INTU: variants seen among roughly 807,000 people sequenced by gnomAD.
INTU encodes protein inturned.
INTU carries 68 observed loss-of-function variants against 100.5 expected under a neutral mutation model. That is an observed-to-expected ratio of 0.68 (90% CI 0.56 to 0.83). INTU has a LOEUF of 0.83. Ranked by LOEUF, INTU falls within the 40% of genes least tolerant of loss-of-function variation. The probability of loss-of-function intolerance (pLI) is 0.00; values close to 1 mark genes in which losing one functional copy is unlikely to be tolerated. For missense variants in INTU, 1,071 were observed against 1,114.7 expected (o/e 0.96, Z 0.56); for synonymous variants, 357 against 395.7 (o/e 0.90, Z 1.16).
At chr4:127,700,498 A>G (rs1039895398) in intron 9 of INTU, among the ~76,000 whole-genome samples, 3 of 152,208 alleles carry the variant, frequency 2.0e-5, no homozygotes, top group Non-Finnish European at 2.9e-5. Context: ...TACCCAGACC[A>G]TGGTGTATAA....
chr4:127,696,603 T>A lies in INTU; in HGVS notation c.1450-3407T>A, dbSNP rs866835202. 9.2e-5 allele frequency among the ~76,000 whole-genome samples: 14 copies of A among 152,026 alleles called. No homozygotes were observed. The South Asian group carries it at 1.5e-3, about 16-fold the overall frequency. On this transcript the variant is annotated intron_variant, in intron 8 of 15. Transcript: ENST00000335251. ...TTAGTTAGGCTAGAAGCTTATACGT[T>A]TTATTGATTTTTTTCAAGGAAACAG... is the stretch of plus-strand genomic sequence containing the variant.
At chr4:127,703,315 T>A (rs768457308) in intron 9 of INTU, among the ~76,000 whole-genome samples, 1 of 152,202 alleles carries the variant, frequency 6.6e-6, no homozygotes, top group African/African-American at 2.4e-5. Flanking sequence ...AAAAAACTTA[T>A]AAAAGTAATA....
chr4:127,659,390 A>C (rs1275865114), intron 3 of INTU, among the ~76,000 whole-genome samples: 1 of 152,240 alleles, frequency 6.6e-6, no homozygotes, highest in Non-Finnish European at 1.5e-5. Flanking sequence ...AAAATGAAGC[A>C]AATGTGACAA....
Position 127,723,333 on chromosome 4 carries a change from G to T in INTU, c.*6897G>T, listed in dbSNP as rs2148746161. 6.6e-6 allele frequency: 1 copy of T among 151,292 alleles called. No homozygotes were observed. Among genetic ancestry groups the T allele is most frequent in the East Asian group, 1.9e-4 (1 of 5,154 alleles). The allele number at this position is 151,292 out of a possible 1,614,324, so 9.4% of individuals were successfully genotyped here. A position where few individuals can be genotyped will look rare whatever the true frequency, so the allele number is the denominator to read the frequency against. On this transcript the variant is annotated 3_prime_UTR_variant, in exon 16 of 16. Coordinates refer to ENST00000335251, the MANE Select transcript of INTU (RefSeq NM_015693.4). ...CTCACAGTTTTCTTCCTTCTTGGTG[G>T]GAGCTGCAGAGCAGAGCTGCCTCTC...
At chr4:127,706,415 T>C in intron 11 of INTU, 72 bp from the exon 12 acceptor site, 1 of 1,316,828 alleles carries the variant, frequency 7.6e-7, no homozygotes, top group Non-Finnish European at 1.0e-6. Context: ...TATTTATAAG[T>C]TTATACATGC....
At position 127,642,493 on chromosome 4, in the gene INTU, A is replaced by G. The variant is rs1405834752; in HGVS notation, c.147-1028A>G. 2.0e-5 allele frequency among the ~76,000 whole-genome samples: 3 copies of G among 152,244 alleles called. No individual in the cohort carries two copies. In the East Asian group the frequency reaches 5.8e-4, roughly 29 times the overall value. ...AGAGACATTTGACTTTTAAGTTAAG[A>G]GAACTGGAGTTGCTAATAAACACTG... On this transcript the variant is annotated intron_variant, in intron 1 of 15. Coordinates refer to ENST00000335251, the MANE Select transcript of INTU (RefSeq NM_015693.4).
chr4:127,696,171 T>A (rs1323606365), intron 8 of INTU, among the ~76,000 whole-genome samples: 2 of 152,152 alleles, frequency 1.3e-5, no homozygotes, highest in East Asian at 3.8e-4. Flanking sequence ...TCTTATAATG[T>A]CTTTGTCTGG....
intron 1 of INTU, 151 bp from the exon 2 acceptor site, chr4:127,643,370 A>T: frequency 1.9e-6 from 1 of 533,100 alleles, no homozygotes; most frequent in Non-Finnish European, 3.2e-6. Flanking sequence ...AATAAATTAG[A>T]AATAGTAAGG....
chr4:127,682,059 G>A (rs113574042), intron 6 of INTU, among the ~76,000 whole-genome samples: 6,055 of 151,158 alleles, frequency 0.04, 465 homozygotes, highest in African/African-American at 0.14. Flanking sequence ...ATGAGATACC[G>A]TCTCACACCA....
intron 15 of INTU, 81 bp from the exon 16 acceptor site, chr4:127,716,244 A>T: frequency 1.6e-6 from 1 of 643,614 alleles, no homozygotes. Flanking sequence ...TCAGAAACAA[A>T]AATTAAATTA....
chr4:127,704,184 CA>C (rs761639968), intron 9 of INTU, 43 bp from the exon 10 acceptor site: 2 of 1,508,394 alleles, frequency 1.3e-6, no homozygotes, highest in South Asian at 2.4e-5. Flanking sequence ...ATTTTTATCA[CA>C]AAAAAATAAA....
In INTU at chr4:127,725,804, T is replaced by C. The variant is rs1731409165; in HGVS notation, c.*9368T>C. 6.6e-6 allele frequency: 1 copy of C among 152,212 alleles called. No individual in the cohort carries two copies. Among genetic ancestry groups the C allele is most frequent in the Non-Finnish European group, 1.5e-5 (1 of 68,024 alleles). 9.4% of individuals were successfully genotyped at this position (152,212 alleles called of 1,614,324 possible). ...AAAATCACACATCTTATTTTTTCAT[T>C]TCTAAATGGATATTGAACTAAGCTC... On this transcript the variant is annotated 3_prime_UTR_variant, in exon 16 of 16. Transcript: ENST00000335251.
chr4:127,653,090 T>C (rs1178780034), intron 2 of INTU, among the ~76,000 whole-genome samples: 12 of 151,548 alleles, frequency 7.9e-5, no homozygotes, highest in South Asian at 2.1e-4. Flanking sequence ...TTTTTTATTG[T>C]GTCTATTTGA....
At chr4:127,699,561 T>C (rs1418648896) in intron 8 of INTU, among the ~76,000 whole-genome samples, 1 of 152,208 alleles carries the variant, frequency 6.6e-6, no homozygotes, top group African/African-American at 2.4e-5. Flanking sequence ...TTGAGTAATA[T>C]ACAAGAAATG....
rs190674722 is a variant in INTU at position 127,697,671 on chromosome 4, T to A, written c.1450-2339T>A. On this transcript the variant is annotated intron_variant, in intron 8 of 15. Coordinates refer to ENST00000335251, the MANE Select transcript of INTU (RefSeq NM_015693.4). ...CTTTTTATGGCTAAATAGTATTCCA[T>A]TATGTATATATGGCACATTTTCTTT... Among the ~76,000 whole-genome samples the A allele has an allele frequency of 1.1e-4, 16 of 152,330 alleles. No individual in the cohort carries two copies. In the East Asian group the frequency reaches 2.3e-3, roughly 22 times the overall value.
At chr4:127,713,843 A>G in intron 14 of INTU, 93 bp from the exon 15 acceptor site, 4 of 867,202 alleles carry the variant, frequency 4.6e-6, no homozygotes, top group Admixed American at 5.1e-5. Context: ...GCACTGAAGT[A>G]TTTGGATCAG....
intron 1 of INTU, among the ~76,000 whole-genome samples, chr4:127,641,062 TTCAA>T (rs1182489940): frequency 1.3e-5 from 2 of 151,958 alleles, no homozygotes; most frequent in East Asian, 3.9e-4. Context: ...TCTGGTGATT[TTCAA>T]GAGTTTCTCA....
At chr4:127,711,233 C>T (rs771350516) in intron 14 of INTU, 131 bp downstream of exon 14, 71 of 608,470 alleles carry the variant, frequency 1.2e-4, no homozygotes, top group African/African-American at 1.7e-4. Flanking sequence ...CTTAATCTAA[C>T]GTGGGTGCCA....
intron 3 of INTU, 133 bp downstream of exon 3, chr4:127,656,854 T>C (rs1728253231): frequency 2.2e-6 from 1 of 460,198 alleles, no homozygotes; most frequent in African/African-American, 1.9e-5. Flanking sequence ...TACTTGCCTA[T>C]TTAAGAAAAT....
Sources: gnomAD v4.1 joint callset for allele counts (sites outside exome capture counted in the v4.1 genomes callset) on GRCh38, gnomAD v4.1.1 for gene constraint, MANE v1.5 for transcripts, NCBI Gene and HGNC (gene_info 2026-07-23, HGNC 2026-07-21) for gene names.